GPHN: variants seen among roughly 807,000 people sequenced by gnomAD.
The protein encoded by GPHN is gephyrin.
In GPHN, 17 loss-of-function variants were observed where a neutral mutation model predicts 95.5. The ratio of observed to expected loss-of-function variants is 0.18; its 90% confidence interval spans 0.12 to 0.27. The LOEUF is 0.27. Among genes scored for constraint, GPHN ranks in the 10% least tolerant of loss-of-function variants. GPHN has a pLI of 1.00. For missense variants in GPHN, 660 were observed against 978.1 expected, an observed-to-expected ratio of 0.67 and a Z score of 4.34; for synonymous variants, 320 against 322.5, an observed-to-expected ratio of 0.99 and a Z score of 0.08.
At chr14:67,155,543 A>C (rs1255706600) in intron 18 of GPHN, among the ~76,000 whole-genome samples, 2 of 152,224 alleles carry the variant, frequency 1.3e-5, no homozygotes, top group African/African-American at 4.8e-5. Flanking sequence ...ACAAAGTGGG[A>C]AATTTCACTA....
At chr14:66,881,957 A>G (rs1489209122) in intron 5 of GPHN, among the ~76,000 whole-genome samples, 1 of 151,854 alleles carries the variant, frequency 6.6e-6, no homozygotes, top group Non-Finnish European at 1.5e-5. Flanking sequence ...AGTAGTTTAC[A>G]TTAGTTACAG....
At chr14:66,573,465 T>TG (rs1470854365) in intron 1 of GPHN, among the ~76,000 whole-genome samples, 1 of 151,440 alleles carries the variant, frequency 6.6e-6, no homozygotes, top group Non-Finnish European at 1.5e-5. Flanking sequence ...TTTTTTTTTT[T>TG]TTTCTGAGAC....
chr14:67,093,071 T>A (rs988219671), intron 12 of GPHN, among the ~76,000 whole-genome samples: 10 of 152,046 alleles, frequency 6.6e-5, no homozygotes, highest in Non-Finnish European at 1.2e-4. Flanking sequence ...TTGGGATCAT[T>A]TGGAAAAAAG....
chr14:67,606,404 A>C, the GPHN span, among the ~76,000 whole-genome samples: 1 of 152,182 alleles, frequency 6.6e-6, no homozygotes, highest in Admixed American at 6.6e-5. Flanking sequence ...TTGTGCACTA[A>C]AGGTTTTTTA....
intron 3 of GPHN, among the ~76,000 whole-genome samples, chr14:66,779,304 A>T (rs1259193070): frequency 6.6e-6 from 1 of 152,196 alleles, no homozygotes; most frequent in Non-Finnish European, 1.5e-5. Context: ...CATTTTTCAT[A>T]TGAGGAAATT....
intron 1 of GPHN, among the ~76,000 whole-genome samples, chr14:66,605,941 C>T (rs549016707): frequency 2.6e-5 from 4 of 152,086 alleles, no homozygotes; most frequent in African/African-American, 9.7e-5. Flanking sequence ...TTCTCCCATT[C>T]TCTAGGCTGT....
the GPHN span, among the ~76,000 whole-genome samples, chr14:67,490,784 T>A: frequency 6.6e-6 from 1 of 151,780 alleles, no homozygotes; most frequent in Non-Finnish European, 1.5e-5. Flanking sequence ...TTACCCCCAC[T>A]CTCCTTTTCC....
chr14:66,880,391 T>TA (rs2063874609), intron 5 of GPHN, among the ~76,000 whole-genome samples: 1 of 151,994 alleles, frequency 6.6e-6, no homozygotes, highest in African/African-American at 2.4e-5. Flanking sequence ...CTTGTTAAGT[T>TA]AAACTTTCAG....
At chr14:67,585,167 G>T in the GPHN span, 34,613 of 164,052 alleles carry the variant, frequency 0.21, 4,445 homozygotes, top group Non-Finnish European at 0.3. Flanking sequence ...CTTCGGCTTG[G>T]AGACTATAGG....
chr14:67,118,217 A>G (rs748542915), intron 16 of GPHN, among the ~76,000 whole-genome samples: 14 of 152,180 alleles, frequency 9.2e-5, no homozygotes, highest in Admixed American at 2.0e-4. Flanking sequence ...AGTAACTCCT[A>G]AAGTGATGGC....
At chr14:66,925,547 TG>T (rs1244326907) in intron 8 of GPHN, among the ~76,000 whole-genome samples, 5 of 152,194 alleles carry the variant, frequency 3.3e-5, no homozygotes, top group African/African-American at 1.2e-4. Flanking sequence ...TTTTTGTGCC[TG>T]GCTTATTTCA....
chr14:67,309,776 G>A, the GPHN span, among the ~76,000 whole-genome samples: 3 of 152,120 alleles, frequency 2.0e-5, no homozygotes, highest in South Asian at 4.1e-4. Flanking sequence ...AGTCTGAGGT[G>A]CGGCATGAGA....
chr14:66,833,155 AG>A, intron 4 of GPHN, among the ~76,000 whole-genome samples: 1 of 152,298 alleles, frequency 6.6e-6, no homozygotes, highest in East Asian at 1.9e-4. Flanking sequence ...TAAAAGAAAG[AG>A]GCTTAATTGA....
intron 2 of GPHN, among the ~76,000 whole-genome samples, chr14:66,712,981 T>C (rs1373420383): frequency 6.6e-6 from 1 of 152,214 alleles, no homozygotes; most frequent in Non-Finnish European, 1.5e-5. Flanking sequence ...TAGCCCACTT[T>C]TAGATGGGAT....
At chr14:67,217,739 T>G in the GPHN span, among the ~76,000 whole-genome samples, 1 of 152,202 alleles carries the variant, frequency 6.6e-6, no homozygotes, top group Non-Finnish European at 1.5e-5. Flanking sequence ...CTTAAGAGTT[T>G]AATCTTAAGA....
At chr14:67,515,392 G>A in the GPHN span, 2 of 178,470 alleles carry the variant, frequency 1.1e-5, no homozygotes, top group Admixed American at 6.5e-5. Context: ...CCGCTGCCCG[G>A]GAGGAAAGGA....
chr14:67,685,904 C>T, the GPHN span, among the ~76,000 whole-genome samples: 1 of 152,188 alleles, frequency 6.6e-6, no homozygotes, highest in Admixed American at 6.5e-5. Flanking sequence ...GCGCCCATCC[C>T]CTTCTTAAAG....
At chr14:67,677,371 T>TTTTTG in the GPHN span, 1 of 138,826 alleles carries the variant, frequency 7.2e-6, no homozygotes, top group Admixed American at 7.3e-5. Context: ...GGATTTTTTT[T>TTTTTG]TTTTTTTTTT....
chr14:67,260,574 G>C, the GPHN span, among the ~76,000 whole-genome samples: 1 of 152,184 alleles, frequency 6.6e-6, no homozygotes, highest in Non-Finnish European at 1.5e-5. Flanking sequence ...GTAGAGGAGA[G>C]AGAGGGCAGG....
Sources: gnomAD v4.1 joint callset for allele counts (sites outside exome capture counted in the v4.1 genomes callset) on GRCh38, gnomAD v4.1.1 for gene constraint, MANE v1.5 for transcripts, NCBI Gene and HGNC (gene_info 2026-07-23, HGNC 2026-07-21) for gene names.